Variants in SOS1 observed in about 807,000 individuals in gnomAD.
The protein encoded by SOS1 is son of sevenless homolog 1.
In SOS1, 25 loss-of-function variants were observed where a neutral mutation model predicts 157.6. The observed-to-expected ratio is 0.16, with a 90% confidence interval of 0.12 to 0.22. The LOEUF is 0.22. Ranked by LOEUF, SOS1 falls within the 10% of genes least tolerant of loss-of-function variation. The pLI is 1.00. For synonymous variants in SOS1, 528 were observed against 534.0 expected (o/e 0.99, Z 0.16); for missense variants, 1,237 against 1,599.1 (o/e 0.77, Z 3.86).
chr2:38,983,539 C>CTCTT lies in SOS1; in HGVS notation c.*2281_*2284dup, dbSNP rs1558452969. 6.7e-6 allele frequency: 1 copy of CTCTT among 150,304 alleles called. No individual in the cohort carries two copies. Among genetic ancestry groups the CTCTT allele is most frequent in the Admixed American group, 6.7e-5 (1 of 14,878 alleles). 9.3% of individuals were successfully genotyped at this position (150,304 alleles called of 1,614,324 possible). ...TTAGAACTCCAAATCTGAATTTTTC[C>CTCTT]TCTTTATAGACTAGATAGGTTGAAA... On this transcript the variant is annotated 3_prime_UTR_variant, in exon 23 of 23. Transcript: ENST00000402219.
intron 1 of SOS1, among the ~76,000 whole-genome samples, chr2:39,119,575 T>A (rs1032573594): frequency 2.0e-5 from 3 of 152,226 alleles, no homozygotes; most frequent in Admixed American, 1.3e-4. Context: ...AGTCTGGTTG[T>A]CACACTGCTG....
chr2:39,081,285 G>A (rs1384552902), intron 1 of SOS1, among the ~76,000 whole-genome samples: 2 of 152,080 alleles, frequency 1.3e-5, no homozygotes, highest in Non-Finnish European at 1.5e-5. Context: ...TGTGAGAAGC[G>A]TGGGCTGGCG....
intron 6 of SOS1, among the ~76,000 whole-genome samples, chr2:39,045,472 C>T (rs1387749155): frequency 6.6e-6 from 1 of 152,092 alleles, no homozygotes; most frequent in Non-Finnish European, 1.5e-5. Flanking sequence ...CAGGTGCATA[C>T]ACATTAATGG....
At chr2:39,000,091 G>C (rs987909448) in intron 17 of SOS1, among the ~76,000 whole-genome samples, 3 of 152,142 alleles carry the variant, frequency 2.0e-5, no homozygotes, top group Non-Finnish European at 4.4e-5. Flanking sequence ...AACTGGTTTG[G>C]GGAGGAAATG....
At chr2:39,089,242 G>A (rs561985025) in intron 1 of SOS1, among the ~76,000 whole-genome samples, 37 of 152,310 alleles carry the variant, frequency 2.4e-4, no homozygotes, top group African/African-American at 8.9e-4. Flanking sequence ...TAGCCAACCT[G>A]GCCCGGCACA....
At chr2:39,026,559 A>C (rs1485045419) in intron 8 of SOS1, among the ~76,000 whole-genome samples, 4 of 152,196 alleles carry the variant, frequency 2.6e-5, no homozygotes, top group African/African-American at 4.8e-5. Context: ...ATAAAGAAAG[A>C]TACTAGGTTT....
At chr2:39,068,935 C>G (rs1267230248) in intron 1 of SOS1, among the ~76,000 whole-genome samples, 1 of 152,028 alleles carries the variant, frequency 6.6e-6, no homozygotes, top group Non-Finnish European at 1.5e-5. Context: ...TGGTAGGGCA[C>G]TTACTGGATG....
intron 1 of SOS1, among the ~76,000 whole-genome samples, chr2:39,081,197 T>C (rs1182151652): frequency 6.6e-6 from 1 of 152,004 alleles, no homozygotes; most frequent in Non-Finnish European, 1.5e-5. Flanking sequence ...GTAGCTGTAA[T>C]GCAAGATAGT....
At position 39,051,255 on chromosome 2, in the gene SOS1, A is replaced by G; in HGVS notation, c.753T>C (p.Asp251=). Residue 251 remains aspartate, a synonymous_variant, in exon 6 of 23, where the codon GAT becomes GAC. Transcript: ENST00000402219. Reference sequence around the variant, plus strand: ...GTAACTTTACACTAAGTTCATGTATATCTACTATGCGACTAAATATATTTT... The same window carrying G: ...GTAACTTTACACTAAGTTCATGTATGTCTACTATGCGACTAAATATATTTT... ...DVENIFSRIV[D]IHELSVKLLG... is the part of the protein sequence containing the mutation. 1.2e-6 allele frequency: 2 copies of G among 1,611,774 alleles called. No individual in the cohort carries two copies. The highest frequency in any genetic ancestry group is 1.7e-6 in the Non-Finnish European group (2 of 1,177,968).
At chr2:39,093,176 T>A (rs1295349746) in intron 1 of SOS1, among the ~76,000 whole-genome samples, 1 of 152,224 alleles carries the variant, frequency 6.6e-6, no homozygotes, top group Non-Finnish European at 1.5e-5. Flanking sequence ...CCCCTACACA[T>A]ATAATGAAGA....
intron 1 of SOS1, among the ~76,000 whole-genome samples, chr2:39,103,789 T>C (rs1468488021): frequency 6.6e-6 from 1 of 152,188 alleles, no homozygotes; most frequent in African/African-American, 2.4e-5. Context: ...AAAAAACAGA[T>C]AAATCTGACT....
chr2:39,063,931 C>T (rs1480139964), intron 2 of SOS1, among the ~76,000 whole-genome samples: 1 of 152,108 alleles, frequency 6.6e-6, no homozygotes, highest in Non-Finnish European at 1.5e-5. Context: ...CTCCTGGGCT[C>T]AGGCGATCCT....
At chr2:39,051,111 CA>C (rs1553361570) in intron 6 of SOS1, 32 bp downstream of exon 6, 1 of 1,606,574 alleles carries the variant, frequency 6.2e-7, no homozygotes, top group Non-Finnish European at 8.5e-7. Context: ...GGCTTTTATG[CA>C]GACTTTTCGG....
intron 3 of SOS1, among the ~76,000 whole-genome samples, chr2:39,057,067 G>A (rs1231098722): frequency 1.3e-5 from 2 of 152,138 alleles, no homozygotes; most frequent in African/African-American, 2.4e-5. Flanking sequence ...GAAAAGGCAA[G>A]GCAAAATTAC....
chr2:39,111,353 G>A (rs1026772093), intron 1 of SOS1, among the ~76,000 whole-genome samples: 10 of 152,166 alleles, frequency 6.6e-5, no homozygotes, highest in African/African-American at 1.9e-4. Flanking sequence ...ATGGGTATAC[G>A]AGTGTTTACT....
Position 39,023,112 on chromosome 2 carries a change from T to A in SOS1, c.1316A>T (p.Gln439Leu). The change falls in exon 10 of 23, where the codon CAG becomes CTG. Residue 439 changes from glutamine (Q) to leucine (L), a missense_variant. Physicochemically the swap from Gln to Leu is moderately radical, Grantham distance 113. Coordinates refer to ENST00000402219, the MANE Select transcript of SOS1 (RefSeq NM_005633.4). ...TTCCATTATAAATTCATTACAACAC[T>A]GTCCAATGTCTTTTCCCTCCCAACC... ...IDGWEGKDIG[Q>L]CCNEFIMEGT... is the part of the protein sequence containing the mutation. The A allele has an allele frequency of 6.2e-7, 1 of 1,613,422 alleles. No individual in the cohort carries two copies. The highest frequency in any genetic ancestry group is 8.5e-7 in the Non-Finnish European group (1 of 1,179,482).
intron 15 of SOS1, among the ~76,000 whole-genome samples, chr2:39,010,315 CAAA>C (rs113164980): frequency 5.5e-5 from 5 of 91,586 alleles, no homozygotes; most frequent in Admixed American, 2.3e-4. Flanking sequence ...GACTCTGTCT[CAAA>C]AAAAAAAAAA....
chr2:39,052,050 C>T (rs1357178206), intron 5 of SOS1, among the ~76,000 whole-genome samples: 5 of 152,114 alleles, frequency 3.3e-5, no homozygotes, highest in African/African-American at 9.7e-5. Context: ...CCTAAATACC[C>T]AGTAAAGTCA....
chr2:39,083,918 T>C (rs1672289368), intron 1 of SOS1, among the ~76,000 whole-genome samples: 1 of 152,158 alleles, frequency 6.6e-6, no homozygotes, highest in African/African-American at 2.4e-5. Context: ...AGAATGTGAA[T>C]GTATTTTGAG....
Sources: allele counts gnomAD v4.1 joint callset (sites outside exome capture counted in the v4.1 genomes callset), GRCh38; gene constraint gnomAD v4.1.1; transcripts MANE v1.5; gene names NCBI Gene and HGNC (gene_info 2026-07-23, HGNC 2026-07-21).